CMTM7: variants seen among roughly 807,000 people sequenced by gnomAD.
CMTM7 encodes the protein CKLF like MARVEL transmembrane domain containing 7.
In CMTM7, 7 loss-of-function variants were observed where a neutral mutation model predicts 19.3. The ratio of observed to expected loss-of-function variants is 0.36; its 90% CI spans 0.21 to 0.68. The LOEUF (loss-of-function observed/expected upper bound fraction) is 0.68. Ranked by LOEUF, CMTM7 falls within the 30% of genes least tolerant of loss-of-function variation. CMTM7 has a pLI of 0.60. For missense variants in CMTM7, 193 were observed against 232.6 expected (o/e 0.83, Z 1.11); for synonymous variants, 87 against 99.3 (o/e 0.88, Z 0.74).
intron 1 of CMTM7, among the ~76,000 whole-genome samples, chr3:32,406,214 G>A (rs1420447521): frequency 6.6e-6 from 1 of 152,168 alleles, no homozygotes; most frequent in Non-Finnish European, 1.5e-5. Flanking sequence ...TTGTATTCCA[G>A]AGAATGGATT....
intron 3 of CMTM7, chr3:32,451,959 C>A: frequency 1.4e-6 from 1 of 689,806 alleles, no homozygotes; most frequent in Admixed American, 2.4e-5. Context: ...AACAGAAAGT[C>A]ATTACAAATG....
intron 1 of CMTM7, among the ~76,000 whole-genome samples, chr3:32,404,162 CT>C (rs5847761): frequency 0.1 from 7,733 of 74,030 alleles, 125 homozygotes; most frequent in South Asian, 0.22. Context: ...CTTTTTTTTT[CT>C]TTTTTTTTTT....
At chr3:32,395,286 A>G (rs1239162752) in intron 1 of CMTM7, among the ~76,000 whole-genome samples, 1 of 152,070 alleles carries the variant, frequency 6.6e-6, no homozygotes, top group Non-Finnish European at 1.5e-5. Flanking sequence ...ATTACAGGTG[A>G]GCCACTGCGC....
rs545586576 is a variant in CMTM7, at chr3:32,453,587, A to G, written c.515-654A>G. The stretch of plus-strand genomic sequence containing the variant: ...ACTCATGGAATCCTACACTGAGCCC[A>G]TGTAGTGTAGGATTCCACTAATAAG... On this transcript the variant is annotated intron_variant, in intron 4 of 4. Coordinates refer to ENST00000334983, the MANE Select transcript of CMTM7 (RefSeq NM_138410.4). Among the ~76,000 whole-genome samples, 10 of 152,292 alleles carry G rather than the reference A, an allele frequency of 6.6e-5. No homozygotes were observed. In the South Asian group the frequency reaches 1.9e-3, roughly 28 times the overall value.
chr3:32,424,346 G>T (rs1446339919), intron 1 of CMTM7, among the ~76,000 whole-genome samples: 1 of 152,176 alleles, frequency 6.6e-6, no homozygotes, highest in East Asian at 1.9e-4. Flanking sequence ...TGCAGATCAC[G>T]TCGTGTCACT....
intron 2 of CMTM7, among the ~76,000 whole-genome samples, chr3:32,442,498 C>CAAAAAAA (rs59568281): frequency 6.4e-4 from 51 of 80,050 alleles, no homozygotes; most frequent in African/African-American, 2.4e-3. Context: ...AGACTCCTCT[C>CAAAAAAA]AAAAAAAAAA....
intron 1 of CMTM7, among the ~76,000 whole-genome samples, chr3:32,394,428 C>G (rs1169568534): frequency 1.3e-5 from 2 of 152,300 alleles, no homozygotes; most frequent in Middle Eastern, 3.4e-3. Context: ...ATGTTTTCAT[C>G]ATGATCTGAT....
chr3:32,402,266 C>A (rs1445590040), intron 1 of CMTM7, among the ~76,000 whole-genome samples: 1 of 151,980 alleles, frequency 6.6e-6, no homozygotes, highest in Non-Finnish European at 1.5e-5. Context: ...CGCGCGCCAC[C>A]ACGCCCAGCT....
intron 1 of CMTM7, among the ~76,000 whole-genome samples, chr3:32,395,099 G>GTAA: frequency 6.6e-6 from 1 of 151,444 alleles, no homozygotes. Context: ...TAACCTCCTG[G>GTAA]GCTCGGCGAT....
Position 32,440,070 on chromosome 3 carries a change from T to TACACAC in CMTM7, c.160-1739_160-1734dup, listed in dbSNP as rs10526471. ...CACCCATACACTAACACCACACGCATACACACACACACACACACACACACA... is the reference window on the plus strand; with the variant it reads ...CACCCATACACTAACACCACACGCATACACACACACACACACACACACACACACACA... On this transcript the variant is annotated intron_variant, in intron 1 of 4. Transcript: ENST00000334983. Among the ~76,000 whole-genome samples, 493 of 150,164 alleles carry TACACAC rather than the reference T, an allele frequency of 3.3e-3. 3 individuals are homozygous for TACACAC. Among genetic ancestry groups the TACACAC allele is most frequent in the African/African-American group, 0.011 (446 of 40,804 alleles).
intron 1 of CMTM7, among the ~76,000 whole-genome samples, chr3:32,405,950 T>G (rs773078894): frequency 1.9e-4 from 29 of 152,230 alleles, no homozygotes; most frequent in South Asian, 2.1e-4. Flanking sequence ...ACGATCAAGA[T>G]TCAGAATGTA....
chr3:32,440,740 T>G (rs1272399966), intron 1 of CMTM7, among the ~76,000 whole-genome samples: 2 of 152,248 alleles, frequency 1.3e-5, no homozygotes, highest in Non-Finnish European at 2.9e-5. Flanking sequence ...ATTGGTTCAC[T>G]GCACTCCTGC....
chr3:32,410,000 C>G (rs1213979405), intron 1 of CMTM7, among the ~76,000 whole-genome samples: 1 of 152,142 alleles, frequency 6.6e-6, no homozygotes, highest in African/African-American at 2.4e-5. Flanking sequence ...ATAGCCCTAT[C>G]ATTTAGGTAC....
chr3:32,437,419 A>C (rs1696613258), intron 1 of CMTM7, among the ~76,000 whole-genome samples: 1 of 152,156 alleles, frequency 6.6e-6, no homozygotes, highest in Non-Finnish European at 1.5e-5. Context: ...CAATATGGTG[A>C]AACCCTGTCT....
intron 1 of CMTM7, among the ~76,000 whole-genome samples, chr3:32,397,877 T>C (rs1695941565): frequency 6.6e-6 from 1 of 152,192 alleles, no homozygotes; most frequent in Non-Finnish European, 1.5e-5. Context: ...TTAGGATGCC[T>C]CTGACAAGCT....
intron 2 of CMTM7, among the ~76,000 whole-genome samples, chr3:32,447,054 A>G (rs926746848): frequency 2.0e-5 from 3 of 152,196 alleles, no homozygotes; most frequent in Admixed American, 2.0e-4. Context: ...TGGCATTTAC[A>G]GCTATAAATC....
At chr3:32,405,702 C>T (rs987830396) in intron 1 of CMTM7, among the ~76,000 whole-genome samples, 1 of 152,160 alleles carries the variant, frequency 6.6e-6, no homozygotes, top group African/African-American at 2.4e-5. Flanking sequence ...CTGCAGTGAC[C>T]TATGATCTAT....
chr3:32,398,787 C>T lies in CMTM7; in HGVS notation c.159+6722C>T, dbSNP rs185194066. On this transcript the variant is annotated intron_variant, in intron 1 of 4. Coordinates refer to ENST00000334983, the MANE Select transcript of CMTM7 (RefSeq NM_138410.4). ...TGGCTTGAGCCCAGGAGTTTGAGAC[C>T]ATCCTGGGCAACATGGTGAAACCCG... Among the ~76,000 whole-genome samples the T allele has an allele frequency of 2.7e-3, 412 of 151,940 alleles. 6 individuals carry two copies. The highest frequency in any genetic ancestry group is 8.8e-4 in the Non-Finnish European group (60 of 67,990).
chr3:32,434,467 T>TTAA (rs1553612385), intron 1 of CMTM7, among the ~76,000 whole-genome samples: 20 of 145,318 alleles, frequency 1.4e-4, no homozygotes, highest in African/African-American at 4.8e-4. Flanking sequence ...TGGCCAATTT[T>TTAA]AAAAATTTTT....
Sources: gnomAD v4.1 joint callset for allele counts (sites outside exome capture counted in the v4.1 genomes callset) on GRCh38, gnomAD v4.1.1 for gene constraint, MANE v1.5 for transcripts, NCBI Gene and HGNC (gene_info 2026-07-23, HGNC 2026-07-21) for gene names.